Variants in DYM observed in about 807,000 individuals in gnomAD.
DYM encodes dyggve-Melchior-Clausen syndrome protein.
Under a neutral mutation model 93.1 loss-of-function variants are expected in DYM, and 78 were observed. The observed-to-expected ratio is 0.84, with a 90% CI of 0.70 to 1.01. The LOEUF is 1.01. DYM is among the 50% of genes least tolerant of loss of function. The pLI, the probability that DYM is intolerant of heterozygous loss-of-function variation, is 0.00. For synonymous variants in DYM, 321 were observed against 319.7 expected (o/e 1.00, Z -0.04); for missense variants, 789 against 845.0 (o/e 0.93, Z 0.82).
intron 13 of DYM, among the ~76,000 whole-genome samples, chr18:49,251,246 T>C (rs1213573675): frequency 6.6e-6 from 1 of 151,830 alleles, no homozygotes; most frequent in East Asian, 1.9e-4. Context: ...CAGGGGTGAG[T>C]AGGGAGGCAA....
intron 11 of DYM, among the ~76,000 whole-genome samples, chr18:49,259,322 A>G (rs1209911789): frequency 1.3e-5 from 2 of 152,248 alleles, no homozygotes; most frequent in Non-Finnish European, 1.5e-5. Context: ...AGAAAGTGAT[A>G]ATGCTGAACC....
At chr18:49,188,590 C>CA (rs1215615566) in intron 14 of DYM, among the ~76,000 whole-genome samples, 1 of 151,032 alleles carries the variant, frequency 6.6e-6, no homozygotes, top group Non-Finnish European at 1.5e-5. Flanking sequence ...ATCGCAAGGA[C>CA]AAAAAACCAA....
At chr18:49,370,135 G>A (rs923767348) in intron 5 of DYM, among the ~76,000 whole-genome samples, 11 of 152,028 alleles carry the variant, frequency 7.2e-5, no homozygotes, top group African/African-American at 2.7e-4. Flanking sequence ...AAAATCAGCT[G>A]GGCATGGTGG....
chr18:49,216,195 G>C (rs2143796748), intron 13 of DYM, among the ~76,000 whole-genome samples: 1 of 152,322 alleles, frequency 6.6e-6, no homozygotes. Flanking sequence ...AGCGAGGCTG[G>C]GGGAGGGGCG....
intron 1 of DYM, among the ~76,000 whole-genome samples, chr18:49,439,218 T>C (rs1030246243): frequency 5.9e-5 from 9 of 152,204 alleles, no homozygotes; most frequent in African/African-American, 2.2e-4. Context: ...ATCAGTAAGT[T>C]TGTTGGTAAC....
At chr18:49,196,761 A>G (rs1197945968) in intron 14 of DYM, among the ~76,000 whole-genome samples, 1 of 152,090 alleles carries the variant, frequency 6.6e-6, no homozygotes. Context: ...AAAAGTCACT[A>G]AAGGGTTGAG....
intron 15 of DYM, among the ~76,000 whole-genome samples, chr18:49,150,768 T>C (rs1002572522): frequency 6.6e-6 from 1 of 152,160 alleles, no homozygotes; most frequent in African/African-American, 2.4e-5. Flanking sequence ...ATGTTCCTCA[T>C]GATGTCAAGC....
At chr18:49,415,408 T>C (rs1002312507) in intron 2 of DYM, among the ~76,000 whole-genome samples, 6 of 150,526 alleles carry the variant, frequency 4.0e-5, no homozygotes, top group African/African-American at 1.5e-4. Flanking sequence ...CAAGTTACTC[T>C]TGGTTGTTAT....
At chr18:49,221,451 G>A (rs1455506243) in intron 13 of DYM, among the ~76,000 whole-genome samples, 3 of 152,100 alleles carry the variant, frequency 2.0e-5, no homozygotes, top group Admixed American at 6.5e-5. Context: ...AAAGACACAT[G>A]CACACGTATG....
intron 16 of DYM, among the ~76,000 whole-genome samples, chr18:49,117,159 C>A (rs545745042): frequency 7.9e-5 from 12 of 152,266 alleles, no homozygotes; most frequent in African/African-American, 2.6e-4. Flanking sequence ...CCAAATTCCC[C>A]GATTCTGTTA....
At chr18:49,167,142 C>G (rs761006323) in intron 14 of DYM, among the ~76,000 whole-genome samples, 1 of 151,438 alleles carries the variant, frequency 6.6e-6, no homozygotes, top group Non-Finnish European at 1.5e-5. Flanking sequence ...GGGACCAGAG[C>G]AAAAAACACT....
intron 1 of DYM, among the ~76,000 whole-genome samples, chr18:49,432,599 A>ATTTTTTTTTTTT (rs35279467): frequency 7.7e-6 from 1 of 129,584 alleles, no homozygotes; most frequent in African/African-American, 2.9e-5. Flanking sequence ...CAGCATTAAA[A>ATTTTTTTTTTTT]TTTTTTTTTT....
intron 1 of DYM, among the ~76,000 whole-genome samples, chr18:49,444,518 CAA>C (rs1456285606): frequency 1.8e-4 from 27 of 152,158 alleles, no homozygotes; most frequent in African/African-American, 6.5e-4. Flanking sequence ...CAAGTCATGT[CAA>C]GATGCTTCAT....
intron 2 of DYM, among the ~76,000 whole-genome samples, chr18:49,420,818 C>T (rs968417568): frequency 1.3e-5 from 2 of 152,158 alleles, no homozygotes; most frequent in African/African-American, 4.8e-5. Flanking sequence ...CACCCTAATA[C>T]TGCCCTTTTC....
At chr18:49,360,274 A>AG (rs1274912589) in intron 6 of DYM, among the ~76,000 whole-genome samples, 1 of 150,066 alleles carries the variant, frequency 6.7e-6, no homozygotes, top group Non-Finnish European at 1.5e-5. Flanking sequence ...AAAAAAAAAA[A>AG]GCGTGTACTC....
chr18:49,271,414 C>T (rs917011508), intron 11 of DYM, among the ~76,000 whole-genome samples: 1 of 152,114 alleles, frequency 6.6e-6, no homozygotes, highest in African/African-American at 2.4e-5. Flanking sequence ...GTGCTGGGAA[C>T]CCAGAGGGAA....
intron 17 of DYM, among the ~76,000 whole-genome samples, chr18:49,075,292 G>A (rs746877270): frequency 6.6e-6 from 1 of 152,178 alleles, no homozygotes; most frequent in Non-Finnish European, 1.5e-5. Flanking sequence ...AGGGCCGAGT[G>A]TGCAGCCCCT....
In DYM at chr18:49,209,632, T is replaced by C; in HGVS notation, c.1544A>G (p.His515Arg). 1 of 1,289,732 alleles carries C rather than the reference T, an allele frequency of 7.8e-7. No homozygotes were observed. The highest frequency in any genetic ancestry group is 1.0e-6 in the Non-Finnish European group (1 of 988,840). The allele number at this position is 1,289,732 out of a possible 1,614,324, so 79.9% of individuals were successfully genotyped here. Residue 515 changes from histidine to arginine, a missense_variant, in exon 14 of 18, where the codon CAT becomes CGT. Physicochemically the swap from His to Arg is conservative, Grantham distance 29. Coordinates refer to ENST00000675505, the MANE Select transcript of DYM (RefSeq NM_001353214.3). ...ATTGTCACTGAGGGTCGAGAAGCAA[T>C]GCTGAAGCGTAGAACAGTGAGAGTG... is the stretch of plus-strand genomic sequence containing the variant. ...FPHSHCSTLQ[H>R]CFSTLSDNGE...
intron 14 of DYM, among the ~76,000 whole-genome samples, chr18:49,190,715 T>C (rs1369315621): frequency 6.6e-6 from 1 of 152,188 alleles, no homozygotes; most frequent in African/African-American, 2.4e-5. Context: ...AGGGTTGAAC[T>C]GTGCAGATCC....
Sources: gnomAD v4.1 joint callset for allele counts (sites outside exome capture counted in the v4.1 genomes callset) on GRCh38, gnomAD v4.1.1 for gene constraint, MANE v1.5 for transcripts, NCBI Gene and HGNC (gene_info 2026-07-23, HGNC 2026-07-21) for gene names.